DOCK8: variants seen among roughly 807,000 people sequenced by gnomAD.
The protein encoded by DOCK8 is dedicator of cytokinesis 8.
A neutral mutation model predicts 245.6 loss-of-function variants in DOCK8; 141 were observed. That is an observed-to-expected ratio of 0.57 (90% confidence interval 0.50 to 0.66). DOCK8 has a LOEUF of 0.66. DOCK8 is among the 30% of genes least tolerant of loss of function. DOCK8 has a pLI of 0.00. For missense variants in DOCK8, 2,965 were observed against 2,603.4 expected (o/e 1.14, Z -3.02); for synonymous variants, 1,168 against 970.2 (o/e 1.20, Z -3.79).
In DOCK8 at chr9:314,821, A is replaced by T. The variant is rs528525151; in HGVS notation, c.742-2222A>T. Among the ~76,000 whole-genome samples the T allele has an allele frequency of 5.8e-4, 89 of 152,232 alleles. 1 individual carries two copies. Among genetic ancestry groups the T allele is most frequent in the Non-Finnish European group, 1.5e-4 (10 of 68,004 alleles). ...ACACAATCAGATTTTTAAATATATC[A>T]TTACTTGATTTCCCTGTAAGGAAAG... On this transcript the variant is annotated intron_variant, in intron 6 of 47. Transcript: ENST00000432829.
chr9:340,213 C>G lies in DOCK8; in HGVS notation c.1571C>G (p.Thr524Ser). 6.2e-7 allele frequency: 1 copy of G among 1,614,184 alleles called. No homozygotes were observed. The highest frequency in any genetic ancestry group is 2.2e-5 in the East Asian group (1 of 44,890). ...TAPEIINCCL[T>S]PEMLPVKPFP... The stretch of plus-strand genomic sequence containing the variant: ...CCAGAGATCATCAATTGCTGTCTGA[C>G]TCCTGAAATGCTGCCCGTGAAACCC... Residue 524 changes from threonine to serine, a missense_variant, in exon 14 of 48, where the codon ACT (threonine) becomes AGT (serine). This residue lies in a region of DOCK8 where 2,825 missense variants were observed against 2,453.5 expected (regional missense o/e 1.15). Transcript: ENST00000432829.
At position 441,350 on chromosome 9, in the gene DOCK8, G is replaced by T. The variant is rs751622919; in HGVS notation, c.5288G>T (p.Arg1763Leu). ...GTCATCCCCATCCTAGAAGCGCATC[G>T]AGAATTCCGGAAGCTGACACTCACT... Reference protein sequence around the residue: ...KLVIPILEAHREFRKLTLTHS... With the variant: ...KLVIPILEAHLEFRKLTLTHS... The change falls in exon 41 of 48, where the codon CGA (arginine) becomes CTA (leucine). Residue 1763 changes from arginine (R) to leucine (L), a missense_variant. Transcript: ENST00000432829. 1.2e-6 allele frequency: 2 copies of T among 1,614,162 alleles called. No homozygotes were observed. The highest frequency in any genetic ancestry group is 1.7e-5 in the Admixed American group (1 of 60,020).
At chr9:292,289 G>A (rs1009562913) in intron 4 of DOCK8, among the ~76,000 whole-genome samples, 1 of 136,564 alleles carries the variant, frequency 7.3e-6, no homozygotes, top group African/African-American at 2.7e-5. Context: ...AGAATCACTT[G>A]ATCCTCTAAA....
intron 14 of DOCK8, chr9:365,775 C>G: frequency 2.5e-6 from 1 of 400,072 alleles, no homozygotes; most frequent in Non-Finnish European, 4.9e-6. Context: ...GCTTAACAGA[C>G]ATTAGCTCTG....
rs376233983 is a variant in DOCK8, at chr9:418,152, C to T, written c.3785C>T (p.Ala1262Val). The change falls in exon 30 of 48, where the codon GCC (alanine) becomes GTC (valine). Residue 1262 changes from alanine (A) to valine (V), a missense_variant. Transcript: ENST00000432829. ...AGAINQNVAL[A>V]IAGNNFNLKT... is the part of the protein sequence containing the mutation. ...GCCATTAACCAGAATGTGGCTCTGG[C>T]CATAGCAGGGAATAATTTCAATTTG... 3.5e-5 allele frequency: 56 copies of T among 1,614,168 alleles called. No homozygotes were observed. The South Asian group carries it at 4.6e-4, about 13-fold the overall frequency.
In DOCK8 at chr9:382,637, G is replaced by A; in HGVS notation, c.2730G>A (p.Gly910=). The A allele has an allele frequency of 1.2e-6, 2 of 1,614,166 alleles. No homozygotes were observed. The highest frequency in any genetic ancestry group is 1.6e-4 in the Middle Eastern group (1 of 6,062). Residue 910 remains glycine, a synonymous_variant, in exon 22 of 48, where the codon GGG becomes GGA. Coordinates refer to ENST00000432829, the MANE Select transcript of DOCK8 (RefSeq NM_203447.4). The stretch of plus-strand genomic sequence containing the variant: ...GCAGCAGTAACCCAGACCTCGCGGG[G>A]ACACACTCCGCAGCAGACGAGGAAG... ...VMSSSNPDLA[G]THSAADEEVK... is the part of the protein sequence containing the mutation.
At chr9:430,335 T>C (rs987484889) in intron 36 of DOCK8, among the ~76,000 whole-genome samples, 1 of 151,474 alleles carries the variant, frequency 6.6e-6, no homozygotes, top group Admixed American at 6.6e-5. Context: ...GATTGCCCCA[T>C]TTCACTCCAG....
intron 20 of DOCK8, among the ~76,000 whole-genome samples, chr9:377,420 T>G (rs1241143542): frequency 1.3e-5 from 2 of 152,220 alleles, no homozygotes; most frequent in African/African-American, 4.8e-5. Context: ...ATAGGGTTCT[T>G]AATATTATAG....
intron 1 of DOCK8, among the ~76,000 whole-genome samples, chr9:262,959 C>T (rs535462687): frequency 6.6e-6 from 1 of 152,332 alleles, no homozygotes; most frequent in South Asian, 2.1e-4. Context: ...GTAATCCCAG[C>T]ACTTTGGGAG....
intron 4 of DOCK8, among the ~76,000 whole-genome samples, chr9:296,779 T>G (rs1375216099): frequency 6.6e-6 from 1 of 152,168 alleles, no homozygotes; most frequent in African/African-American, 2.4e-5. Flanking sequence ...GCCTATGTGG[T>G]AACAAAGAGC....
At chr9:372,117 G>A (rs1280303646) in intron 17 of DOCK8, 68 bp from the exon 18 acceptor site, 3 of 1,369,010 alleles carry the variant, frequency 2.2e-6, no homozygotes. Context: ...ATTATTGCGA[G>A]CTAGATAAAT....
chr9:345,985 C>A (rs2051864871), intron 14 of DOCK8, among the ~76,000 whole-genome samples: 1 of 151,896 alleles, frequency 6.6e-6, no homozygotes, highest in African/African-American at 2.4e-5. Context: ...AGTGCTCATC[C>A]CAGGAATGAC....
intron 43 of DOCK8, among the ~76,000 whole-genome samples, chr9:444,172 G>A (rs1166722105): frequency 6.6e-6 from 1 of 151,880 alleles, no homozygotes; most frequent in Non-Finnish European, 1.5e-5. Context: ...CGTGGAGGTG[G>A]TATCAGCTCC....
chr9:405,051 C>G lies in DOCK8; in HGVS notation c.3368C>G (p.Pro1123Arg). Residue 1123 changes from proline (P) to arginine (R), a missense_variant, in exon 27 of 48, where the codon CCT becomes CGT. Pro to Arg is a moderately radical substitution (Grantham distance 103). Coordinates refer to ENST00000432829, the MANE Select transcript of DOCK8 (RefSeq NM_203447.4). ...AATGCTGATACTGCTCCAACATCTCCTTGTCCTTCCATATCTTCCCAGGTA... is the reference window on the plus strand; with the variant it reads ...AATGCTGATACTGCTCCAACATCTCGTTGTCCTTCCATATCTTCCCAGGTA... ...FMNADTAPTS[P>R]CPSISSQNSS... 6.2e-7 allele frequency: 1 copy of G among 1,613,854 alleles called. No homozygotes were observed. Among genetic ancestry groups the G allele is most frequent in the African/African-American group, 1.3e-5 (1 of 75,042 alleles).
chr9:332,496 T>C lies in DOCK8; in HGVS notation c.1125+18T>C, dbSNP rs753212110. The C allele has an allele frequency of 6.4e-7, 1 of 1,568,262 alleles. No homozygotes were observed. Among genetic ancestry groups the C allele is most frequent in the Non-Finnish European group, 8.8e-7 (1 of 1,138,254 alleles). ...GTGGAAAGGTATGGTAATTTGAGTG[T>C]TGTTAAATGGAGACATCTTAGAAGA... On this transcript the variant is annotated intron_variant, in intron 10 of 47. Coordinates refer to ENST00000432829, the MANE Select transcript of DOCK8 (RefSeq NM_203447.4).
At chr9:353,904 G>A (rs2052297856) in intron 14 of DOCK8, among the ~76,000 whole-genome samples, 1 of 152,142 alleles carries the variant, frequency 6.6e-6, no homozygotes, top group Admixed American at 6.5e-5. Context: ...AGCCTCTTCA[G>A]GAGACATTAA....
chr9:304,821 A>G, intron 5 of DOCK8, 117 bp downstream of exon 5: 2 of 1,419,764 alleles, frequency 1.4e-6, no homozygotes, highest in South Asian at 1.2e-5. Context: ...AGTAGGAGGA[A>G]CTTTACCATC....
At chr9:336,402 A>G (rs2051313511) in intron 11 of DOCK8, among the ~76,000 whole-genome samples, 180 bp from the exon 12 acceptor site, 1 of 152,172 alleles carries the variant, frequency 6.6e-6, no homozygotes, top group South Asian at 2.1e-4. Context: ...AGGATTAAGG[A>G]CACCAACAGG....
In DOCK8 at chr9:426,868, C is replaced by A. The variant is rs547731128; in HGVS notation, c.4242-17C>A. Reference sequence around the variant, plus strand: ...GGTTTGACATGCGCTTTAATTTGACCTCTTGTTGTTTCCTAGAACAAAGGC... The same window carrying A: ...GGTTTGACATGCGCTTTAATTTGACATCTTGTTGTTTCCTAGAACAAAGGC... On this transcript the variant is annotated splice_polypyrimidine_tract_variant and intron_variant, in intron 33 of 47. Transcript: ENST00000432829. 1.9e-6 allele frequency: 3 copies of A among 1,611,890 alleles called. No homozygotes were observed. Among genetic ancestry groups the A allele is most frequent in the South Asian group, 1.1e-5 (1 of 90,992 alleles).
Sources: allele counts gnomAD v4.1 joint callset (sites outside exome capture counted in the v4.1 genomes callset), GRCh38; gene constraint gnomAD v4.1.1; regional missense constraint gnomAD v4.1.1; transcripts MANE v1.5; gene names NCBI Gene and HGNC (gene_info 2026-07-23, HGNC 2026-07-21).